Variants in RIMBP2 observed in about 807,000 individuals in gnomAD.
RIMBP2 encodes RIMS-binding protein 2.
RIMBP2 carries 48 observed loss-of-function variants against 118.6 expected under a neutral mutation model. The ratio of observed to expected loss-of-function variants is 0.40; its 90% CI spans 0.32 to 0.51. The LOEUF is 0.51. RIMBP2 is among the 20% of genes least tolerant of loss of function. The pLI, the probability that RIMBP2 is intolerant of heterozygous loss-of-function variation, is 0.41. For missense variants in RIMBP2, 1,551 were observed against 1,768.3 expected (o/e 0.88, Z 2.20); for synonymous variants, 762 against 742.9 (o/e 1.03, Z -0.42).
chr12:130,503,746 A>G (rs758522215), intron 4 of RIMBP2, among the ~76,000 whole-genome samples: 2 of 152,194 alleles, frequency 1.3e-5, no homozygotes, highest in African/African-American at 2.4e-5. Flanking sequence ...GCAATTGTTC[A>G]TATTTTCTTT....
At chr12:130,662,633 T>C (rs1211953894) in intron 1 of RIMBP2, among the ~76,000 whole-genome samples, 1 of 151,562 alleles carries the variant, frequency 6.6e-6, no homozygotes, top group Non-Finnish European at 1.5e-5. Context: ...TCCAGCCTGG[T>C]GACAGAGCAA....
At chr12:130,709,151 T>C (rs986860599) in intron 1 of RIMBP2, among the ~76,000 whole-genome samples, 2 of 152,260 alleles carry the variant, frequency 1.3e-5, no homozygotes, top group East Asian at 3.8e-4. Context: ...TCTTTAATTC[T>C]CACGATCCAG....
intron 13 of RIMBP2, among the ~76,000 whole-genome samples, chr12:130,435,538 G>A (rs2077451981): frequency 6.6e-6 from 1 of 152,174 alleles, no homozygotes. Context: ...TGGAGCAGAA[G>A]TGGAGCCGCA....
chr12:130,397,571 T>G (rs2074156522), intron 22 of RIMBP2, 22 bp from the exon 23 acceptor site: 1 of 398,658 alleles, frequency 2.5e-6, no homozygotes, highest in African/African-American at 2.1e-5. Flanking sequence ...AGTGTTACAG[T>G]TTATTGAGTG....
chr12:130,464,731 G>A (rs943828553), intron 6 of RIMBP2, among the ~76,000 whole-genome samples: 5 of 152,234 alleles, frequency 3.3e-5, no homozygotes, highest in African/African-American at 7.2e-5. Flanking sequence ...ACCCACCCAG[G>A]TCTCTCTGGC....
intron 4 of RIMBP2, among the ~76,000 whole-genome samples, chr12:130,480,237 C>CACACACACACACACACACG (rs59071818): frequency 2.0e-5 from 3 of 150,210 alleles, no homozygotes; most frequent in East Asian, 2.0e-4. Flanking sequence ...ACACACACAC[C>CACACACACACACACACACG]TGTGGTAACT....
chr12:130,474,119 C>T (rs115068962), intron 5 of RIMBP2, among the ~76,000 whole-genome samples: 188 of 152,270 alleles, frequency 1.2e-3, no homozygotes, highest in African/African-American at 4.3e-3. Context: ...GCAGCCGGAC[C>T]CCAGGCTGAC....
chr12:130,450,388 C>T lies in RIMBP2; in HGVS notation c.505-112G>A. The T allele has an allele frequency of 1.3e-6, 1 of 768,564 alleles. No individual in the cohort carries two copies. Among genetic ancestry groups the T allele is most frequent in the Non-Finnish European group, 2.3e-6 (1 of 443,080 alleles). The allele number at this position is 768,564 out of a possible 1,614,324, so 47.6% of individuals were successfully genotyped here. ...CTTCCTGGGCCCCAGGAGGGACGGC[C>T]TGAGACTGTGGCACTCCCAGGAGGC... is the stretch of plus-strand genomic sequence containing the variant. On this transcript the variant is annotated intron_variant, in intron 8 of 22. Coordinates refer to ENST00000690449, the MANE Select transcript of RIMBP2 (RefSeq NM_001393629.1). The surrounding 1 kb of genome is among the most constrained non-coding windows in gnomAD (Gnocchi z 4.8).
At chr12:130,466,118 C>T (rs141139019) in intron 6 of RIMBP2, 1 of 152,312 alleles carries the variant, frequency 6.6e-6, no homozygotes, top group Non-Finnish European at 1.5e-5. Context: ...CTCGATGTCT[C>T]TCCTATGCAC....
chr12:130,509,929 A>G (rs2050745776), intron 3 of RIMBP2, among the ~76,000 whole-genome samples: 1 of 152,204 alleles, frequency 6.6e-6, no homozygotes, highest in African/African-American at 2.4e-5. Context: ...TTTGGGGAGG[A>G]ATCGATTCAG....
At chr12:130,595,415 G>A (rs1041671395) in intron 2 of RIMBP2, among the ~76,000 whole-genome samples, 2 of 152,064 alleles carry the variant, frequency 1.3e-5, no homozygotes, top group East Asian at 1.9e-4. Context: ...AAAATTAGCC[G>A]GGCGTGGTGG....
chr12:130,567,714 G>A (rs1199668202), intron 2 of RIMBP2, among the ~76,000 whole-genome samples: 1 of 152,216 alleles, frequency 6.6e-6, no homozygotes, highest in Non-Finnish European at 1.5e-5. Context: ...ACCCCTTTCA[G>A]GGGTCTGGGT....
At chr12:130,412,567 T>C in intron 19 of RIMBP2, 52 bp downstream of exon 19, 1 of 1,529,844 alleles carries the variant, frequency 6.5e-7, no homozygotes, top group Non-Finnish European at 9.0e-7. Flanking sequence ...GAGCGGCAGG[T>C]GTTTTGTGGG....
chr12:130,608,191 T>C (rs1484716230), intron 2 of RIMBP2, among the ~76,000 whole-genome samples: 3 of 152,120 alleles, frequency 2.0e-5, no homozygotes, highest in African/African-American at 7.2e-5. Context: ...AACGCTTTGG[T>C]TTCTGTTGTG....
intron 4 of RIMBP2, among the ~76,000 whole-genome samples, chr12:130,504,986 A>C (rs2050163795): frequency 6.6e-6 from 1 of 152,152 alleles, no homozygotes; most frequent in South Asian, 2.1e-4. Flanking sequence ...CCTTCCTCCC[A>C]GGGATTCACG....
chr12:130,574,797 C>T (rs903925795), intron 2 of RIMBP2, among the ~76,000 whole-genome samples: 6 of 151,990 alleles, frequency 3.9e-5, no homozygotes, highest in East Asian at 1.9e-4. Flanking sequence ...GCACTGTGGC[C>T]GTCACCCACT....
chr12:130,598,727 A>T (rs933655088), intron 2 of RIMBP2, among the ~76,000 whole-genome samples: 8 of 123,746 alleles, frequency 6.5e-5, no homozygotes, highest in African/African-American at 1.2e-4. Context: ...GACTCCATTT[A>T]AAAAAAAAAA....
At chr12:130,536,641 C>A (rs181774442) in intron 2 of RIMBP2, among the ~76,000 whole-genome samples, 201 of 152,324 alleles carry the variant, frequency 1.3e-3, no homozygotes, top group African/African-American at 4.7e-3. Context: ...CAGGTCCCTG[C>A]TGTCCAATAT....
intron 7 of RIMBP2, among the ~76,000 whole-genome samples, chr12:130,454,024 A>G (rs1363515184): frequency 6.6e-6 from 1 of 152,208 alleles, no homozygotes; most frequent in Non-Finnish European, 1.5e-5. Flanking sequence ...ATTGCACTCC[A>G]GCCTGGGCGA....
Sources: allele counts gnomAD v4.1 joint callset (sites outside exome capture counted in the v4.1 genomes callset), GRCh38; gene constraint gnomAD v4.1.1; non-coding constraint Gnocchi (gnomAD v3.1); transcripts MANE v1.5; gene names NCBI Gene and HGNC (gene_info 2026-07-23, HGNC 2026-07-21).